The following JAM3 variants were observed in gnomAD, a reference collection of about 807,000 sequenced individuals.
The protein encoded by JAM3 is junctional adhesion molecule 3, also known as junctional adhesion molecule C.
Under a neutral mutation model 39.4 loss-of-function variants are expected in JAM3, and 31 were observed. That is an observed-to-expected ratio of 0.79 (90% CI 0.59 to 1.06). JAM3 has a LOEUF of 1.06. JAM3 is among the 50% of genes least tolerant of loss of function. The probability of loss-of-function intolerance (pLI) is 0.00; values close to 1 mark genes in which losing one functional copy is unlikely to be tolerated. For synonymous variants in JAM3, 182 were observed against 148.7 expected (o/e 1.22, Z -1.63); for missense variants, 455 against 391.4 (o/e 1.16, Z -1.37).
At chr11:134,125,726 G>C (rs1942636080) in intron 1 of JAM3, among the ~76,000 whole-genome samples, 1 of 152,182 alleles carries the variant, frequency 6.6e-6, no homozygotes, top group South Asian at 2.1e-4. Context: ...AGAATGTACA[G>C]CTCGTTCAAG....
intron 1 of JAM3, among the ~76,000 whole-genome samples, chr11:134,087,218 C>T (rs935181401): frequency 1.3e-5 from 2 of 151,488 alleles, no homozygotes; most frequent in Admixed American, 6.6e-5. Flanking sequence ...TACACACACA[C>T]GCACACACAC....
At chr11:134,098,009 A>G (rs577058224) in intron 1 of JAM3, among the ~76,000 whole-genome samples, 38 of 152,280 alleles carry the variant, frequency 2.5e-4, no homozygotes, top group Non-Finnish European at 4.3e-4. Context: ...TGAAAAACCT[A>G]TATACTTTAT....
intron 1 of JAM3, among the ~76,000 whole-genome samples, chr11:134,138,250 C>T (rs868025389): frequency 7.3e-5 from 6 of 82,332 alleles, no homozygotes; most frequent in African/African-American, 1.4e-4. Context: ...GGTGGCGTCT[C>T]GTCGAAGTCG....
chr11:134,083,330 CA>C (rs11304525), intron 1 of JAM3, among the ~76,000 whole-genome samples: 23,151 of 152,150 alleles, frequency 0.15, 1,916 homozygotes, highest in African/African-American at 0.22. Flanking sequence ...CTCTCTCCAA[CA>C]CAGGCAATAG....
At chr11:134,110,683 C>T (rs1942291463) in intron 1 of JAM3, among the ~76,000 whole-genome samples, 2 of 151,620 alleles carry the variant, frequency 1.3e-5, no homozygotes, top group Non-Finnish European at 2.9e-5. Flanking sequence ...ATTACAGGAG[C>T]ATTAGGAAAC....
intron 2 of JAM3, among the ~76,000 whole-genome samples, chr11:134,140,266 C>T (rs966504820): frequency 1.3e-5 from 2 of 152,176 alleles, no homozygotes; most frequent in Non-Finnish European, 2.9e-5. Context: ...GGATTACAGG[C>T]ACCCGCCACC....
Position 134,148,954 on chromosome 11 carries a change from TAACACACACACACACACACA to T in JAM3, c.897+137_897+156del, listed in dbSNP as rs1006513803. The T allele has an allele frequency of 1.6e-5, 12 of 763,416 alleles. No homozygotes were observed. In the African/African-American group the frequency reaches 2.3e-4, roughly 15 times the overall value. 47.3% of individuals were successfully genotyped at this position (763,416 alleles called of 1,614,324 possible). On this transcript the variant is annotated intron_variant, in intron 8 of 8. Coordinates refer to ENST00000299106, the MANE Select transcript of JAM3 (RefSeq NM_032801.5). The stretch of plus-strand genomic sequence containing the variant: ...CCTGAGCTCCTCAGCCCCTTCACAG[TAACACACACACACACACACA>T]CACACACACACACACACACACTAAT...
intron 6 of JAM3, among the ~76,000 whole-genome samples, chr11:134,146,699 C>T (rs1431152168): frequency 1.3e-5 from 2 of 152,136 alleles, no homozygotes; most frequent in Non-Finnish European, 2.9e-5. Flanking sequence ...TCCTGAGTAG[C>T]TGGAACAACA....
intron 1 of JAM3, among the ~76,000 whole-genome samples, chr11:134,122,036 TTTTAC>T (rs1942543970): frequency 6.6e-6 from 1 of 152,232 alleles, no homozygotes. Context: ...ACCATTATTT[TTTTAC>T]TTTTAAGTCC....
At chr11:134,074,399 A>G (rs1218422717) in intron 1 of JAM3, among the ~76,000 whole-genome samples, 1 of 152,204 alleles carries the variant, frequency 6.6e-6, no homozygotes, top group Non-Finnish European at 1.5e-5. Context: ...AGTAATGGGA[A>G]AATATAATTT....
intron 6 of JAM3, among the ~76,000 whole-genome samples, chr11:134,146,770 G>T (rs574419749): frequency 6.6e-6 from 1 of 152,108 alleles, no homozygotes; most frequent in Non-Finnish European, 1.5e-5. Flanking sequence ...TCACTGTGTT[G>T]CCCAGGCTGG....
chr11:134,092,386 T>G (rs1427634384), intron 1 of JAM3, among the ~76,000 whole-genome samples: 1 of 64,546 alleles, frequency 1.5e-5, no homozygotes, highest in African/African-American at 7.2e-5. Context: ...TGAGGGAAGC[T>G]TCTCCTGAAC....
intron 6 of JAM3, among the ~76,000 whole-genome samples, chr11:134,147,225 G>A (rs1193672422): frequency 6.6e-6 from 1 of 151,800 alleles, no homozygotes; most frequent in Admixed American, 6.6e-5. Flanking sequence ...AGGCTGAGGC[G>A]GGTGGATCAC....
intron 1 of JAM3, among the ~76,000 whole-genome samples, chr11:134,119,885 A>G (rs933555440): frequency 1.3e-5 from 2 of 152,180 alleles, no homozygotes; most frequent in South Asian, 4.1e-4. Flanking sequence ...TGTTTTGTAT[A>G]TAACCATTTA....
At chr11:134,100,713 A>G (rs752244180) in intron 1 of JAM3, among the ~76,000 whole-genome samples, 51 of 152,234 alleles carry the variant, frequency 3.4e-4, no homozygotes, top group African/African-American at 5.3e-4. Flanking sequence ...TACTCTTACA[A>G]CTGGAGGAGA....
At chr11:134,117,487 A>C (rs1038573149) in intron 1 of JAM3, among the ~76,000 whole-genome samples, 6 of 152,250 alleles carry the variant, frequency 3.9e-5, no homozygotes, top group Admixed American at 2.0e-4. Flanking sequence ...CTACCTCAGG[A>C]GAGACTGCAG....
At chr11:134,108,801 C>G (rs1324484713) in intron 1 of JAM3, among the ~76,000 whole-genome samples, 1 of 151,996 alleles carries the variant, frequency 6.6e-6, no homozygotes, top group Non-Finnish European at 1.5e-5. Flanking sequence ...CAGACAACAG[C>G]AAAACAACAG....
chr11:134,104,569 A>T (rs1455077681), intron 1 of JAM3, among the ~76,000 whole-genome samples: 1 of 152,210 alleles, frequency 6.6e-6, no homozygotes, highest in African/African-American at 2.4e-5. Flanking sequence ...TGAATCCAGG[A>T]GCTGGGTTTT....
chr11:134,121,835 A>G (rs1311388187), intron 1 of JAM3, among the ~76,000 whole-genome samples: 1 of 152,050 alleles, frequency 6.6e-6, no homozygotes, highest in Non-Finnish European at 1.5e-5. Flanking sequence ...ACACACACAC[A>G]CACACACACA....
Sources: gnomAD v4.1 joint callset for allele counts (sites outside exome capture counted in the v4.1 genomes callset) on GRCh38, gnomAD v4.1.1 for gene constraint, MANE v1.5 for transcripts, NCBI Gene and HGNC (gene_info 2026-07-23, HGNC 2026-07-21) for gene names.